FRMD4B: variants seen among roughly 807,000 people sequenced by gnomAD.
FRMD4B encodes FERM domain containing 4B.
In FRMD4B, 74 loss-of-function variants were observed where a neutral mutation model predicts 141.5. The observed-to-expected ratio is 0.52, with a 90% confidence interval of 0.43 to 0.63. FRMD4B has a LOEUF of 0.63. FRMD4B is among the 30% of genes least tolerant of loss of function. The pLI, the probability that FRMD4B is intolerant of heterozygous loss-of-function variation, is 0.00. For synonymous variants in FRMD4B, 506 were observed against 467.9 expected (o/e 1.08, Z -1.05); for missense variants, 1,366 against 1,253.4 (o/e 1.09, Z -1.36).
intron 1 of FRMD4B, among the ~76,000 whole-genome samples, chr3:69,527,488 A>G (rs545413644): frequency 6.6e-6 from 1 of 152,382 alleles, no homozygotes; most frequent in East Asian, 1.9e-4. Context: ...AAGCAGAGGC[A>G]AAGACCAAAA....
At chr3:69,237,731 T>C (rs1042947132) in intron 7 of FRMD4B, among the ~76,000 whole-genome samples, 9 of 152,208 alleles carry the variant, frequency 5.9e-5, no homozygotes, top group African/African-American at 2.2e-4. Context: ...TGGGCTTTTA[T>C]TTATGTACTC....
chr3:69,445,662 A>T (rs1341348868), intron 1 of FRMD4B, among the ~76,000 whole-genome samples: 1 of 152,154 alleles, frequency 6.6e-6, no homozygotes, highest in Admixed American at 6.5e-5. Flanking sequence ...TACTGGGTCA[A>T]GTCCATTCTC....
chr3:69,292,912 A>T, intron 4 of FRMD4B: 1 of 323,692 alleles, frequency 3.1e-6, no homozygotes, highest in South Asian at 2.4e-5. Flanking sequence ...GCCCATGGTT[A>T]ATTTTTCAGC....
chr3:69,480,114 T>C (rs961647708), intron 1 of FRMD4B, among the ~76,000 whole-genome samples: 3 of 152,062 alleles, frequency 2.0e-5, no homozygotes, highest in Non-Finnish European at 4.4e-5. Context: ...TCGTCTAAAT[T>C]TTTTTCAAAG....
intron 1 of FRMD4B, among the ~76,000 whole-genome samples, chr3:69,314,247 G>A (rs1291352102): frequency 1.8e-5 from 2 of 110,038 alleles, no homozygotes; most frequent in African/African-American, 7.7e-5. Context: ...AAAAAAGCCA[G>A]CCAGGCACAG....
chr3:69,428,921 G>C (rs7649944), intron 2 of FRMD4B, among the ~76,000 whole-genome samples: 103,344 of 152,070 alleles, frequency 0.68, 35,806 homozygotes, highest in East Asian at 0.85. Flanking sequence ...ACACTAGGTA[G>C]CTCATACAAG....
chr3:69,533,169 T>C (rs1484058067), intron 1 of FRMD4B, among the ~76,000 whole-genome samples: 2 of 152,220 alleles, frequency 1.3e-5, no homozygotes, highest in Admixed American at 1.3e-4. Context: ...TGGATGCTTG[T>C]TCAGGATCTG....
chr3:69,333,320 G>A (rs761030392), intron 1 of FRMD4B, among the ~76,000 whole-genome samples: 26 of 152,194 alleles, frequency 1.7e-4, no homozygotes, highest in Non-Finnish European at 2.5e-4. Context: ...GCAAGGAAGA[G>A]TTTCATCAAA....
At chr3:69,496,637 AAGAGAGAGAGAGAGAGAG>A (rs1169584495) in intron 1 of FRMD4B, among the ~76,000 whole-genome samples, 2 of 56,474 alleles carry the variant, frequency 3.5e-5, no homozygotes, top group African/African-American at 8.1e-5. Flanking sequence ...GAGAGAGAGA[AAGAGAGAGAGAGAGAGAG>A]AGAGAGAGAG....
chr3:69,357,370 G>A (rs1204932782), intron 1 of FRMD4B, among the ~76,000 whole-genome samples: 1 of 152,206 alleles, frequency 6.6e-6, no homozygotes, highest in East Asian at 1.9e-4. Flanking sequence ...ATGTAGACTT[G>A]GGGAGCCCTG....
At chr3:69,388,908 C>T (rs78505181), upstream of FRMD4B, among the ~76,000 whole-genome samples, 12 of 152,020 alleles carry the variant, frequency 7.9e-5, no homozygotes, top group Non-Finnish European at 1.5e-4. Context: ...TGCATTGTGG[C>T]GAAGTCTGGG....
intron 7 of FRMD4B, among the ~76,000 whole-genome samples, chr3:69,245,835 T>G (rs35328774): frequency 1.2e-5 from 1 of 82,028 alleles, no homozygotes; most frequent in Non-Finnish European, 2.4e-5. Context: ...GGCTAATTTG[T>G]TTTTTTTTTT....
chr3:69,183,776 C>T (rs1252275500), intron 19 of FRMD4B, among the ~76,000 whole-genome samples: 1 of 151,550 alleles, frequency 6.6e-6, no homozygotes, highest in Non-Finnish European at 1.5e-5. Context: ...GCCACCGCGC[C>T]CAGCCTGAAG....
intron 1 of FRMD4B, among the ~76,000 whole-genome samples, chr3:69,323,610 A>ATG (rs1236629030): frequency 1.6e-3 from 18 of 11,386 alleles, no homozygotes; most frequent in African/African-American, 9.0e-3. Context: ...CTCTCTGTGT[A>ATG]TATATATATA....
intron 1 of FRMD4B, among the ~76,000 whole-genome samples, chr3:69,454,609 C>T (rs2106898936): frequency 6.6e-6 from 1 of 152,310 alleles, no homozygotes; most frequent in Middle Eastern, 3.4e-3. Context: ...TGTGCCGGGT[C>T]CCCCAGCACT....
intron 7 of FRMD4B, among the ~76,000 whole-genome samples, chr3:69,242,478 ATTTTTTTTTTTTTTTTTTTTTTTTTTTTT>A (rs71115667): frequency 7.3e-5 from 4 of 54,554 alleles, no homozygotes; most frequent in African/African-American, 1.5e-4. Context: ...AAATAGCTGC[ATTTTTTTTTTTTTTTTTTTTTTTTTTTTT>A]TTTTTTTTTT....
At chr3:69,275,144 T>C (rs1399735933) in intron 5 of FRMD4B, among the ~76,000 whole-genome samples, 2 of 152,220 alleles carry the variant, frequency 1.3e-5, no homozygotes, top group African/African-American at 4.8e-5. Context: ...AACAAAAATG[T>C]ATGCACAAAA....
At chr3:69,269,282 T>C (rs1221616359) in intron 5 of FRMD4B, among the ~76,000 whole-genome samples, 1 of 151,830 alleles carries the variant, frequency 6.6e-6, no homozygotes, top group Non-Finnish European at 1.5e-5. Flanking sequence ...ATATCATCAA[T>C]AACTACAAAA....
At chr3:69,375,257 ACCCC>A (rs1703940221) in intron 1 of FRMD4B, among the ~76,000 whole-genome samples, 1 of 10,072 alleles carries the variant, frequency 9.9e-5, no homozygotes. Flanking sequence ...CCATCCATCC[ACCCC>A]ATCCCATCCA....
Sources: allele counts gnomAD v4.1 joint callset (sites outside exome capture counted in the v4.1 genomes callset), GRCh38; gene constraint gnomAD v4.1.1; transcripts MANE v1.5; gene names NCBI Gene and HGNC (gene_info 2026-07-23, HGNC 2026-07-21).